The following ERBB4 variants were observed in gnomAD, a reference collection of about 807,000 sequenced individuals.
The protein encoded by ERBB4 is receptor tyrosine-protein kinase erbB-4.
In ERBB4, 42 loss-of-function variants were observed where a neutral mutation model predicts 158.0. That is an observed-to-expected ratio of 0.27 (90% CI 0.21 to 0.34). The LOEUF is 0.34. Among genes scored for constraint, ERBB4 ranks in the 10% least tolerant of loss-of-function variants. The pLI, the probability that ERBB4 is intolerant of heterozygous loss-of-function variation, is 1.00. For synonymous variants in ERBB4, 583 were observed against 558.7 expected (o/e 1.04, Z -0.61); for missense variants, 1,333 against 1,624.1 (o/e 0.82, Z 3.08).
chr2:212,315,055 A>G (rs1242131975), intron 1 of ERBB4, among the ~76,000 whole-genome samples: 1 of 151,348 alleles, frequency 6.6e-6, no homozygotes, highest in East Asian at 2.0e-4. Flanking sequence ...AGCTTTGAGC[A>G]TTATTACACA....
chr2:212,039,655 T>C lies in ERBB4; in HGVS notation c.234+85097A>G, dbSNP rs534982460. ...AATTATCATGTGCCAGCTTCTGTGA[T>C]AACCATTTTATATGTATTTTTAATT... On this transcript the variant is annotated intron_variant, in intron 2 of 27. Coordinates refer to ENST00000342788, the MANE Select transcript of ERBB4 (RefSeq NM_005235.3). Among the ~76,000 whole-genome samples the C allele has an allele frequency of 8.3e-4, 127 of 152,270 alleles. 1 individual carries two copies. Among genetic ancestry groups the C allele is most frequent in the African/African-American group, 2.9e-3 (120 of 41,566 alleles).
At chr2:211,875,043 A>AAAAAAAAAAAAAAC (rs1559600593) in intron 3 of ERBB4, among the ~76,000 whole-genome samples, 1 of 114,208 alleles carries the variant, frequency 8.8e-6, no homozygotes, top group Non-Finnish European at 2.1e-5. Context: ...AAAAAAAAAA[A>AAAAAAAAAAAAAAC]AAAAAAACAA....
intron 2 of ERBB4, among the ~76,000 whole-genome samples, chr2:211,953,405 A>G (rs1271617836): frequency 6.6e-6 from 1 of 151,346 alleles, no homozygotes; most frequent in East Asian, 1.9e-4. Flanking sequence ...AATAAAACAA[A>G]ATAAAATCTA....
intron 4 of ERBB4, among the ~76,000 whole-genome samples, chr2:211,755,338 CA>C (rs1366420377): frequency 1.3e-5 from 2 of 151,694 alleles, no homozygotes; most frequent in African/African-American, 2.4e-5. Context: ...CCGGCCTCTA[CA>C]AAAAATGCAA....
intron 11 of ERBB4, among the ~76,000 whole-genome samples, chr2:211,703,005 G>A (rs764009156): frequency 1.5e-4 from 23 of 151,676 alleles, no homozygotes; most frequent in Non-Finnish European, 2.2e-4. Flanking sequence ...TCCACATTTC[G>A]ATCAGCTAAT....
chr2:212,494,043 G>T (rs555284715), intron 1 of ERBB4, among the ~76,000 whole-genome samples: 27 of 151,746 alleles, frequency 1.8e-4, no homozygotes, highest in South Asian at 4.2e-4. Flanking sequence ...GCATCACAAA[G>T]AATAGTGGCC....
At chr2:211,445,954 G>C (rs1311250432) in intron 20 of ERBB4, among the ~76,000 whole-genome samples, 1 of 152,196 alleles carries the variant, frequency 6.6e-6, no homozygotes, top group East Asian at 1.9e-4. Flanking sequence ...TTCATGTAAG[G>C]AGGCAGGTTT....
At chr2:212,165,666 C>T (rs1158832920) in intron 1 of ERBB4, among the ~76,000 whole-genome samples, 1 of 151,950 alleles carries the variant, frequency 6.6e-6, no homozygotes, top group Non-Finnish European at 1.5e-5. Context: ...TCAATGTGGA[C>T]ATCACATTGA....
At chr2:212,127,583 C>T (rs1341148677) in intron 1 of ERBB4, among the ~76,000 whole-genome samples, 5 of 152,136 alleles carry the variant, frequency 3.3e-5, no homozygotes, top group Non-Finnish European at 7.3e-5. Context: ...CAGAGCGAGA[C>T]TCCATCTCAT....
intron 3 of ERBB4, among the ~76,000 whole-genome samples, chr2:211,861,160 A>T (rs1300454584): frequency 2.5e-4 from 10 of 40,266 alleles, no homozygotes; most frequent in African/African-American, 7.6e-4. Flanking sequence ...ATATATTAAA[A>T]AAAAGTAGTT....
intron 1 of ERBB4, among the ~76,000 whole-genome samples, chr2:212,252,919 C>T (rs1683935236): frequency 6.6e-6 from 1 of 152,094 alleles, no homozygotes; most frequent in African/African-American, 2.4e-5. Context: ...GATGCTCAGA[C>T]ACATAATCAA....
chr2:211,779,833 C>T (rs527319811), intron 4 of ERBB4: 5 of 152,292 alleles, frequency 3.3e-5, no homozygotes, highest in South Asian at 4.1e-4. Flanking sequence ...ACCTCTATGA[C>T]TCTCTCGATA....
At chr2:211,748,083 T>C (rs1204615325) in intron 5 of ERBB4, among the ~76,000 whole-genome samples, 1 of 151,774 alleles carries the variant, frequency 6.6e-6, no homozygotes, top group African/African-American at 2.4e-5. Context: ...TGTTTATTAT[T>C]TTAATTGTTT....
intron 1 of ERBB4, among the ~76,000 whole-genome samples, chr2:212,238,233 G>T (rs571943798): frequency 1.3e-5 from 2 of 152,320 alleles, no homozygotes; most frequent in African/African-American, 4.8e-5. Flanking sequence ...ATCTCCTGTT[G>T]TTGGGTTGCG....
chr2:212,263,398 T>C (rs1574548891), intron 1 of ERBB4, among the ~76,000 whole-genome samples: 1 of 152,156 alleles, frequency 6.6e-6, no homozygotes, highest in African/African-American at 2.4e-5. Flanking sequence ...GACAGTGGAT[T>C]TGTAAACTGT....
chr2:212,050,051 T>G (rs150867615), intron 2 of ERBB4, among the ~76,000 whole-genome samples: 9 of 152,138 alleles, frequency 5.9e-5, no homozygotes, highest in Non-Finnish European at 1.0e-4. Flanking sequence ...TAGGGTTACC[T>G]TTTGAAAAAA....
Position 212,150,729 on chromosome 2 carries a change from C to T in ERBB4, c.83-25826G>A, listed in dbSNP as rs2080839759. ...GTGCTTGGTTTGGCTGTGCAAAATT[C>T]CTACAAATTACTCTCATTTATAAGA... On this transcript the variant is annotated intron_variant, in intron 1 of 27. Coordinates refer to ENST00000342788, the MANE Select transcript of ERBB4 (RefSeq NM_005235.3). 2.0e-5 allele frequency among the ~76,000 whole-genome samples: 3 copies of T among 152,188 alleles called. 1 individual carries two copies. The South Asian group carries it at 6.2e-4, about 31-fold the overall frequency.
intron 3 of ERBB4, among the ~76,000 whole-genome samples, chr2:211,843,469 T>C (rs965567448): frequency 2.0e-5 from 3 of 152,038 alleles, no homozygotes; most frequent in Admixed American, 6.6e-5. Context: ...GCATAATGGC[T>C]CTAGAAGTCA....
chr2:211,861,085 A>ATTTT (rs1318788651), intron 3 of ERBB4, among the ~76,000 whole-genome samples: 1,112 of 41,464 alleles, frequency 0.027, 165 homozygotes, highest in African/African-American at 0.048. Context: ...TATATATTAT[A>ATTTT]AAATATATAA....
Sources: gnomAD v4.1 joint callset for allele counts (sites outside exome capture counted in the v4.1 genomes callset) on GRCh38, gnomAD v4.1.1 for gene constraint, MANE v1.5 for transcripts, NCBI Gene and HGNC (gene_info 2026-07-23, HGNC 2026-07-21) for gene names.